The following LAMC2 variants were observed in gnomAD, a reference collection of about 807,000 sequenced individuals.
LAMC2 encodes laminin subunit gamma-2.
LAMC2 carries 97 observed loss-of-function variants against 140.2 expected under a neutral mutation model. The observed-to-expected ratio is 0.69, with a 90% CI of 0.59 to 0.82. The LOEUF is 0.82. LAMC2 is among the 40% of genes least tolerant of loss of function. The pLI is 0.00. For synonymous variants in LAMC2, 513 were observed against 540.2 expected, an observed-to-expected ratio of 0.95 and a Z score of 0.70; for missense variants, 1,402 against 1,476.1, an observed-to-expected ratio of 0.95 and a Z score of 0.82.
At chr1:183,235,758 T>C (rs1659941842) in intron 16 of LAMC2, 28 bp downstream of exon 16, 2 of 1,612,686 alleles carry the variant, frequency 1.2e-6, no homozygotes, top group Non-Finnish European at 8.5e-7. Flanking sequence ...CTCCCGTGGC[T>C]CATTATACCT....
intron 2 of LAMC2, 60 bp from the exon 3 acceptor site, chr1:183,215,393 G>A: frequency 6.3e-7 from 1 of 1,598,688 alleles, no homozygotes; most frequent in Non-Finnish European, 8.6e-7. Context: ...TGCTTCCAAT[G>A]CCGCATACAT....
chr1:183,240,043 A>G lies in LAMC2; in HGVS notation c.3073A>G (p.Ile1025Val). The G allele has an allele frequency of 6.2e-7, 1 of 1,613,756 alleles. No homozygotes were observed. The highest frequency in any genetic ancestry group is 8.5e-7 in the Non-Finnish European group (1 of 1,179,952). The change falls in exon 21 of 23, where the codon ATT becomes GTT. Residue 1025 changes from isoleucine (I) to valine (V), a missense_variant. Ile to Val is a conservative substitution (Grantham distance 29). Coordinates refer to ENST00000264144, the MANE Select transcript of LAMC2 (RefSeq NM_005562.3). ...LEISSEIEQE[I>V]GSLNLEANVT... ...CTGGCTCCTTTTCTTCTCTCAGGAGATTGGGAGTCTGAACTTGGAAGCCAA... is the reference window on the plus strand; with the variant it reads ...CTGGCTCCTTTTCTTCTCTCAGGAGGTTGGGAGTCTGAACTTGGAAGCCAA...
At chr1:183,199,780 T>C (rs1658648395) in intron 1 of LAMC2, among the ~76,000 whole-genome samples, 1 of 152,156 alleles carries the variant, frequency 6.6e-6, no homozygotes, top group South Asian at 2.1e-4. Flanking sequence ...AAAAGAAGAC[T>C]GGCTGTTACC....
rs767816769 is a variant in LAMC2 at position 183,228,379 on chromosome 1, C to T, written c.1474C>T (p.Arg492Cys). Residue 492 changes from arginine (R) to cysteine (C), a missense_variant, in exon 11 of 23, where the codon CGC (arginine) becomes TGC (cysteine). Coordinates refer to ENST00000264144, the MANE Select transcript of LAMC2 (RefSeq NM_005562.3). The surrounding 1 kb of genome is among the most constrained non-coding windows in gnomAD (Gnocchi z 4.3). The part of the protein sequence containing the change: ...NNCPPGVTGA[R>C]CELCADGYFG... Reference sequence around the variant, plus strand: ...GGTCATTTGTTCCTTCCCAGGTGCCCGCTGTGAGCTCTGTGCTGATGGCTA... The same window carrying T: ...GGTCATTTGTTCCTTCCCAGGTGCCTGCTGTGAGCTCTGTGCTGATGGCTA... The T allele has an allele frequency of 6.3e-5, 102 of 1,613,958 alleles. 2 individuals carry two copies. The highest frequency in any genetic ancestry group is 4.5e-4 in the South Asian group (41 of 91,058).
intron 1 of LAMC2, among the ~76,000 whole-genome samples, chr1:183,194,624 A>C (rs1056788685): frequency 6.6e-6 from 1 of 152,242 alleles, no homozygotes; most frequent in African/African-American, 2.4e-5. Flanking sequence ...TCTCCTTTTT[A>C]ACTTCTCTTT....
intron 2 of LAMC2, among the ~76,000 whole-genome samples, chr1:183,213,848 C>G (rs1456337249): frequency 6.8e-6 from 1 of 146,760 alleles, no homozygotes; most frequent in East Asian, 2.0e-4. Context: ...GGCAGATCAC[C>G]TAAGATTGGG....
At chr1:183,225,147 A>G (rs1429450129) in intron 7 of LAMC2, among the ~76,000 whole-genome samples, 2 of 152,236 alleles carry the variant, frequency 1.3e-5, no homozygotes, top group Non-Finnish European at 2.9e-5. Context: ...AAAAAGTATT[A>G]AGTGTGGACA....
At chr1:183,234,598 C>A in intron 15 of LAMC2, 152 bp downstream of exon 15, 1 of 719,412 alleles carries the variant, frequency 1.4e-6, no homozygotes, top group South Asian at 1.6e-5. Flanking sequence ...TTTTTAACCA[C>A]TTGGCTTTTA....
chr1:183,192,607 G>A (rs980753044), intron 1 of LAMC2, among the ~76,000 whole-genome samples: 2 of 152,122 alleles, frequency 1.3e-5, no homozygotes, highest in African/African-American at 2.4e-5. Context: ...TTTATAGGTA[G>A]GAAAATTGAG....
chr1:183,237,117 A>T (rs1659988222), intron 17 of LAMC2, among the ~76,000 whole-genome samples: 1 of 152,246 alleles, frequency 6.6e-6, no homozygotes, highest in Non-Finnish European at 1.5e-5. Flanking sequence ...GTAAACATTT[A>T]AAAAATGAAA....
intron 3 of LAMC2, 75 bp downstream of exon 3, chr1:183,215,663 A>G (rs765110293): frequency 1.3e-6 from 2 of 1,563,020 alleles, no homozygotes; most frequent in Admixed American, 1.7e-5. Flanking sequence ...AAACACTTGT[A>G]TTTACTGAGC....
At chr1:183,252,377 C>T in the LAMC2 span, 1 of 479,730 alleles carries the variant, frequency 2.1e-6, no homozygotes, top group African/African-American at 2.0e-5. Context: ...GACACCAGTA[C>T]ATCTCCAAGG....
chr1:183,194,373 G>T (rs546622731), intron 1 of LAMC2, among the ~76,000 whole-genome samples: 139 of 152,010 alleles, frequency 9.1e-4, no homozygotes, highest in Non-Finnish European at 1.4e-3. Flanking sequence ...CTATATAATG[G>T]TATGTAAGCC....
rs1031647542 is a variant in LAMC2 at position 183,234,355 on chromosome 1, C to T, written c.2221-12C>T. ...AACCGATTCGCCTTAACCGATTCTC[C>T]TTTTCCCACAGAACATTCCTGCCTC... On this transcript the variant is annotated splice_polypyrimidine_tract_variant and intron_variant, in intron 14 of 22. Transcript: ENST00000264144. The T allele has an allele frequency of 1.9e-6, 3 of 1,612,244 alleles. No individual in the cohort carries two copies. In the African/African-American group the frequency reaches 4.0e-5, roughly 22 times the overall value.
At chr1:183,193,641 A>C (rs510642) in intron 1 of LAMC2, among the ~76,000 whole-genome samples, 86,459 of 151,728 alleles carry the variant, frequency 0.57, 25,367 homozygotes, top group East Asian at 0.73. Flanking sequence ...AAGGCAGTTG[A>C]TCCAACAGTA....
chr1:183,218,494 T>C lies in LAMC2; in HGVS notation c.503+6T>C, dbSNP rs375623003. On this transcript the variant is annotated splice_donor_region_variant and intron_variant, in intron 4 of 22. Transcript: ENST00000264144. ...ACTGGAGAACGCTGTGATAGGTCTG[T>C]GTGAACCGTGGCCCTACAAACAGCA... The C allele has an allele frequency of 2.1e-4, 336 of 1,606,206 alleles. No individual in the cohort carries two copies. Among genetic ancestry groups the C allele is most frequent in the Non-Finnish European group, 2.8e-4 (323 of 1,173,586 alleles).
chr1:183,243,079 G>T (rs1660169008), intron 22 of LAMC2, 68 bp from the exon 23 acceptor site: 3 of 1,574,212 alleles, frequency 1.9e-6, no homozygotes, highest in African/African-American at 1.3e-5. Flanking sequence ...GTATAGAAGG[G>T]CACGGGTGTT....
chr1:183,208,411 G>GA (rs1192310842), intron 2 of LAMC2, among the ~76,000 whole-genome samples: 2 of 152,086 alleles, frequency 1.3e-5, no homozygotes, highest in African/African-American at 4.8e-5. Context: ...GCAAGCAGAT[G>GA]ACAAAGGAAG....
At chr1:183,209,756 A>T (rs1659015596) in intron 2 of LAMC2, among the ~76,000 whole-genome samples, 1 of 152,150 alleles carries the variant, frequency 6.6e-6, no homozygotes, top group Admixed American at 6.5e-5. Context: ...GCCTGAAGAC[A>T]AGGTTATTAG....
Sources: gnomAD v4.1 joint callset for allele counts (sites outside exome capture counted in the v4.1 genomes callset) on GRCh38, gnomAD v4.1.1 for gene constraint, Gnocchi (gnomAD v3.1) non-coding constraint, MANE v1.5 for transcripts, NCBI Gene and HGNC (gene_info 2026-07-23, HGNC 2026-07-21) for gene names.